EIF4G3: variants seen among roughly 807,000 people sequenced by gnomAD.
EIF4G3 encodes the protein eIF-4-gamma 3.
In EIF4G3, 34 loss-of-function variants were observed where a neutral mutation model predicts 186.4. The observed-to-expected ratio is 0.18, with a 90% CI of 0.14 to 0.24. EIF4G3 has a LOEUF of 0.24. Among genes scored for constraint, EIF4G3 ranks in the 10% least tolerant of loss-of-function variants. The pLI is 1.00. For missense variants in EIF4G3, 1,536 were observed against 1,948.5 expected, an observed-to-expected ratio of 0.79 and a Z score of 3.99; for synonymous variants, 673 against 679.5, an observed-to-expected ratio of 0.99 and a Z score of 0.15.
intron 3 of EIF4G3, among the ~76,000 whole-genome samples, chr1:21,078,664 C>G (rs1224968794): frequency 6.6e-6 from 1 of 152,200 alleles, no homozygotes; most frequent in Non-Finnish European, 1.5e-5. Context: ...CCAGATTTGA[C>G]CACCACACAT....
chr1:21,099,159 C>T (rs914704898), intron 2 of EIF4G3, among the ~76,000 whole-genome samples: 1 of 152,280 alleles, frequency 6.6e-6, no homozygotes, highest in African/African-American at 2.4e-5. Flanking sequence ...AAATCTCACA[C>T]GTTGGTAGAG....
intron 16 of EIF4G3, among the ~76,000 whole-genome samples, chr1:20,896,400 C>A (rs1488442951): frequency 4.4e-4 from 61 of 139,268 alleles, no homozygotes; most frequent in African/African-American, 1.7e-3. Context: ...TGCACCACTG[C>A]ACTCTAGCCT....
At chr1:20,866,426 G>A (rs1359205880) in intron 20 of EIF4G3, among the ~76,000 whole-genome samples, 2 of 152,132 alleles carry the variant, frequency 1.3e-5, no homozygotes, top group Non-Finnish European at 2.9e-5. Context: ...CTTTCAGCAG[G>A]AGACATTATC....
chr1:21,173,053 C>T (rs1016323600), intron 2 of EIF4G3, among the ~76,000 whole-genome samples: 8 of 132,616 alleles, frequency 6.0e-5, no homozygotes, highest in Non-Finnish European at 1.2e-4. Flanking sequence ...GTAGGGGAAT[C>T]GTTTGAACCC....
chr1:20,895,402 C>T lies in EIF4G3; in HGVS notation c.2099G>A (p.Gly700Asp). Residue 700 changes from glycine (G) to aspartate (D), a missense_variant, in exon 17 of 37, where the codon GGC becomes GAC. By Grantham distance (94) the Gly-to-Asp change is moderately conservative. This residue lies in a region of EIF4G3 where 139 missense variants were observed against 192.8 expected (regional missense o/e 0.72). Transcript: ENST00000602326. ...FMPACIQKPE[G>D]LPPISDVVLD... ...AACCACATCACTGATAGGAGGCAGGCCCTCTGGTTTTTGTATACAGGCAGG... is the reference window on the plus strand; with the variant it reads ...AACCACATCACTGATAGGAGGCAGGTCCTCTGGTTTTTGTATACAGGCAGG... 1 of 1,613,958 alleles carries T rather than the reference C, an allele frequency of 6.2e-7. No individual in the cohort carries two copies. Among genetic ancestry groups the T allele is most frequent in the Non-Finnish European group, 8.5e-7 (1 of 1,179,914 alleles).
At chr1:21,114,722 AT>A (rs200206700) in intron 2 of EIF4G3, among the ~76,000 whole-genome samples, 11 of 152,042 alleles carry the variant, frequency 7.2e-5, no homozygotes, top group South Asian at 2.1e-4. Context: ...AATAAAAAAA[AT>A]TTTTTTTGCT....
chr1:20,926,319 G>C (rs754901011), intron 14 of EIF4G3, among the ~76,000 whole-genome samples: 12 of 152,172 alleles, frequency 7.9e-5, no homozygotes, highest in Non-Finnish European at 1.5e-4. Flanking sequence ...GAGTTGTTGT[G>C]AGGGTTAAAG....
intron 2 of EIF4G3, among the ~76,000 whole-genome samples, chr1:21,133,428 T>C (rs1438835611): frequency 1.3e-5 from 2 of 152,046 alleles, no homozygotes; most frequent in Non-Finnish European, 2.9e-5. Context: ...GGTTTCACCA[T>C]ATTGGCCAGG....
rs1279372105 is a variant in EIF4G3 at position 20,864,496 on chromosome 1, A to G, written c.2986T>C (p.Leu996=). Reference sequence around the variant, plus strand: ...TTTACCTTTGCTTTTTCAAAGTCCAAGTCTTTGCCAATGGTGGTGAGCAGG... The same window carrying G: ...TTTACCTTTGCTTTTTCAAAGTCCAGGTCTTTGCCAATGGTGGTGAGCAGG... ...CRLLTTIGKD[L]DFEKAKPRMD... The change falls in exon 22 of 37, where the codon TTG becomes CTG. Residue 996 remains leucine, a synonymous_variant. Coordinates refer to ENST00000602326, the MANE Select transcript of EIF4G3 (RefSeq NM_001391906.1). 1.2e-6 allele frequency: 2 copies of G among 1,613,808 alleles called. No individual in the cohort carries two copies. The highest frequency in any genetic ancestry group is 8.5e-7 in the Non-Finnish European group (1 of 1,179,924).
At chr1:21,143,864 A>T (rs113998291) in intron 2 of EIF4G3, among the ~76,000 whole-genome samples, 320 of 152,242 alleles carry the variant, frequency 2.1e-3, no homozygotes, top group African/African-American at 7.3e-3. Flanking sequence ...GGAGGCTGCC[A>T]TAAGTCAAGA....
At chr1:20,960,933 G>A (rs190361468) in intron 12 of EIF4G3, among the ~76,000 whole-genome samples, 5 of 152,194 alleles carry the variant, frequency 3.3e-5, no homozygotes, top group Admixed American at 2.0e-4. Flanking sequence ...CAAAAGAAAC[G>A]TGTACAACAG....
intron 2 of EIF4G3, chr1:21,111,437 G>A (rs1341343800): frequency 6.4e-6 from 3 of 467,118 alleles, no homozygotes; most frequent in East Asian, 7.0e-5. Context: ...ATACTAAGCA[G>A]TATTTCATTA....
intron 12 of EIF4G3, among the ~76,000 whole-genome samples, chr1:20,954,534 CAAAAAAAAAAA>C (rs35942587): frequency 0.015 from 764 of 49,372 alleles, 4 homozygotes; most frequent in Non-Finnish European, 0.018. Context: ...GACCCCGTCT[CAAAAAAAAAAA>C]AAAAAAAAAA....
chr1:21,163,699 C>T (rs1381213562), intron 2 of EIF4G3, among the ~76,000 whole-genome samples: 2 of 152,168 alleles, frequency 1.3e-5, no homozygotes, highest in Non-Finnish European at 2.9e-5. Context: ...TTAATGTGGT[C>T]TTTTCCTAAA....
chr1:21,068,415 T>G (rs2095340052), intron 3 of EIF4G3, among the ~76,000 whole-genome samples: 1 of 120,424 alleles, frequency 8.3e-6, no homozygotes, highest in South Asian at 2.7e-4. Context: ...ATACTTCACA[T>G]GAACTTGTAG....
At chr1:21,145,709 T>C (rs974219279) in intron 2 of EIF4G3, among the ~76,000 whole-genome samples, 12 of 152,290 alleles carry the variant, frequency 7.9e-5, no homozygotes, top group Non-Finnish European at 1.6e-4. Context: ...GTAGTCAATG[T>C]TAGGAATAAA....
chr1:21,113,841 CCCG>C (rs2096770932), intron 2 of EIF4G3, among the ~76,000 whole-genome samples: 1 of 152,030 alleles, frequency 6.6e-6, no homozygotes, highest in South Asian at 2.1e-4. Context: ...ATGGTAAAAC[CCCG>C]TCTCTTCAAA....
chr1:21,094,792 A>G (rs2096314177), intron 2 of EIF4G3, among the ~76,000 whole-genome samples: 1 of 148,152 alleles, frequency 6.7e-6, no homozygotes, highest in South Asian at 2.1e-4. Flanking sequence ...TAATAATAAT[A>G]ATAATAATAA....
intron 2 of EIF4G3, among the ~76,000 whole-genome samples, chr1:21,147,201 G>A (rs1417655025): frequency 1.3e-5 from 2 of 151,852 alleles, no homozygotes; most frequent in Non-Finnish European, 2.9e-5. Flanking sequence ...GGCGGAGGTT[G>A]CAGTGAGCCA....
Sources: gnomAD v4.1 joint callset for allele counts (sites outside exome capture counted in the v4.1 genomes callset) on GRCh38, gnomAD v4.1.1 for gene constraint, gnomAD v4.1.1 regional missense constraint, MANE v1.5 for transcripts, NCBI Gene and HGNC (gene_info 2026-07-23, HGNC 2026-07-21) for gene names.